Variants in COLQ observed in about 807,000 individuals in gnomAD.
COLQ encodes acetylcholinesterase collagenic tail peptide.
Under a neutral mutation model 69.0 loss-of-function variants are expected in COLQ, and 48 were observed. The observed-to-expected ratio is 0.70, with a 90% CI of 0.55 to 0.88. The LOEUF (loss-of-function observed/expected upper bound fraction) is 0.88. Among genes scored for constraint, COLQ ranks in the 40% least tolerant of loss-of-function variants. The pLI, the probability that COLQ is intolerant of heterozygous loss-of-function variation, is 0.00. For missense variants in COLQ, 618 were observed against 594.6 expected (o/e 1.04, Z -0.41); for synonymous variants, 217 against 211.2 (o/e 1.03, Z -0.24).
intron 1 of COLQ, among the ~76,000 whole-genome samples, chr3:15,492,223 C>T (rs560440402): frequency 6.6e-6 from 1 of 152,282 alleles, no homozygotes; most frequent in African/African-American, 2.4e-5. Flanking sequence ...ATTGGCAAGT[C>T]TCATGCTACA....
chr3:15,506,671 C>T (rs951803462), intron 1 of COLQ: 1 of 152,030 alleles, frequency 6.6e-6, no homozygotes, highest in Non-Finnish European at 1.5e-5. Flanking sequence ...AGGCATAATC[C>T]CACTAATGAT....
Position 15,510,154 on chromosome 3 carries a change from C to T in COLQ, c.106+11366G>A, listed in dbSNP as rs529167319. Among the ~76,000 whole-genome samples the T allele has an allele frequency of 2.0e-5, 3 of 150,342 alleles. No homozygotes were observed. The East Asian group carries it at 5.9e-4, about 29-fold the overall frequency. The stretch of plus-strand genomic sequence containing the variant: ...TCGCGCCACTGCAGTCTAGCCTGGG[C>T]GACAGAGCGAGACTCTGTCTAAAAA... On this transcript the variant is annotated intron_variant, in intron 1 of 16. Coordinates refer to ENST00000383788, the MANE Select transcript of COLQ (RefSeq NM_005677.4).
chr3:15,455,425 A>C (rs985217739), intron 15 of COLQ, among the ~76,000 whole-genome samples: 11 of 152,238 alleles, frequency 7.2e-5, no homozygotes, highest in South Asian at 2.1e-4. Flanking sequence ...GCAGCAGCCC[A>C]CGAGGCTGAC....
rs2062620132 is a variant in COLQ, at chr3:15,488,912, A to G, written c.220-605T>C. ...AAGTGCCAGATAGCTACATATGGCT[A>G]GTGGCTCCTGAATTGGACAGCTCAG... On this transcript the variant is annotated intron_variant, in intron 2 of 16. Coordinates refer to ENST00000383788, the MANE Select transcript of COLQ (RefSeq NM_005677.4). Among the ~76,000 whole-genome samples the G allele has an allele frequency of 2.0e-5, 3 of 152,352 alleles. No homozygotes were observed. The South Asian group carries it at 6.2e-4, about 32-fold the overall frequency.
intron 1 of COLQ, chr3:15,498,890 G>T (rs1013498802): frequency 1.5e-6 from 2 of 1,336,958 alleles, no homozygotes; most frequent in Non-Finnish European, 1.9e-6. Flanking sequence ...GGAGCCCAGG[G>T]ATACTTATCC....
At chr3:15,467,814 G>C (rs929786833) in intron 11 of COLQ, 1 of 455,276 alleles carries the variant, frequency 2.2e-6, no homozygotes, top group Non-Finnish European at 4.4e-6. Flanking sequence ...GGCAGGCTTG[G>C]GACTCCTTTC....
chr3:15,467,520 C>T (rs911137061), intron 11 of COLQ, among the ~76,000 whole-genome samples: 3 of 152,234 alleles, frequency 2.0e-5, no homozygotes, highest in South Asian at 2.1e-4. Context: ...ACAGCCGTTC[C>T]ACATGGAGTG....
rs771879602 is a variant in COLQ, at chr3:15,521,568, TAGAG to T, written c.54_57del (p.Ile20CysfsTer34). ...TTGATGAAAGTCGGCTGAGACACGA[TAGAG>T]AGGAAGAAAAGCTGAAGATAAATTC... On this transcript the variant is annotated frameshift_variant, in exon 1 of 17. Transcript: ENST00000383788. LOFTEE classifies it high-confidence loss of function. 8.1e-6 allele frequency: 13 copies of T among 1,614,038 alleles called. No individual in the cohort carries two copies. The highest frequency in any genetic ancestry group is 8.0e-5 in the African/African-American group (6 of 74,896).
chr3:15,489,592 C>T lies in COLQ; in HGVS notation c.152G>A (p.Cys51Tyr), dbSNP rs746714301. The change falls in exon 2 of 17, where the codon TGC (cysteine) becomes TAC (tyrosine). Residue 51 changes from cysteine to tyrosine, a missense_variant. Physicochemically the swap from Cys to Tyr is radical, Grantham distance 194 (BLOSUM62 -2). Coordinates refer to ENST00000383788, the MANE Select transcript of COLQ (RefSeq NM_005677.4). ...TGGTGGAGGAGGCGTCAGCAGGCAG[C>T]ATGCTTTGTGGCCACCACGCTTCTT... ...DQKKRGGHKA[C>Y]CLLTPPPPPL... 1.2e-6 allele frequency: 2 copies of T among 1,614,198 alleles called. No homozygotes were observed. Among genetic ancestry groups the T allele is most frequent in the East Asian group, 4.5e-5 (2 of 44,884 alleles).
At chr3:15,481,105 C>T (rs1016906692) in intron 3 of COLQ, among the ~76,000 whole-genome samples, 2 of 151,980 alleles carry the variant, frequency 1.3e-5, no homozygotes, top group African/African-American at 2.4e-5. Flanking sequence ...GGATATTAGC[C>T]CTTTGTCAGA....
At chr3:15,480,628 G>GC (rs2062465304) in intron 3 of COLQ, among the ~76,000 whole-genome samples, 1 of 152,142 alleles carries the variant, frequency 6.6e-6, no homozygotes, top group Non-Finnish European at 1.5e-5. Flanking sequence ...TGTGAATAGT[G>GC]CCCCAATAAA....
chr3:15,451,800 C>T (rs1164295916), intron 16 of COLQ, 87 bp from the exon 17 acceptor site: 3 of 1,127,868 alleles, frequency 2.7e-6, no homozygotes, highest in Non-Finnish European at 4.0e-6. Context: ...CGGCCAAGGG[C>T]CAATGGCTCT....
intron 14 of COLQ, among the ~76,000 whole-genome samples, 190 bp from the exon 15 acceptor site, chr3:15,456,209 A>C (rs1031602755): frequency 6.6e-5 from 10 of 152,112 alleles, no homozygotes; most frequent in African/African-American, 2.4e-4. Flanking sequence ...TCAGATCAAG[A>C]CAGCAACCTG....
rs2062328130 is a variant in COLQ, at chr3:15,473,679, A to G, written c.636+321T>C. ...GCTCAGATCTGAGTCCCCTGTGAGA[A>G]AGGTTTCTGCATTTGAATAGGACCA... is the stretch of plus-strand genomic sequence containing the variant. On this transcript the variant is annotated intron_variant, in intron 10 of 16. Transcript: ENST00000383788. The surrounding 1 kb of genome is among the most constrained non-coding windows in gnomAD (Gnocchi z 4.0). 6.6e-6 allele frequency among the ~76,000 whole-genome samples: 1 copy of G among 152,142 alleles called. No individual in the cohort carries two copies. Among genetic ancestry groups the G allele is most frequent in the South Asian group, 2.1e-4 (1 of 4,832 alleles).
intron 1 of COLQ, among the ~76,000 whole-genome samples, chr3:15,508,804 GAATTA>G (rs1367371641): frequency 6.6e-6 from 1 of 151,202 alleles, no homozygotes; most frequent in Non-Finnish European, 1.5e-5. Context: ...CATTATATAA[GAATTA>G]AATTATATAT....
At chr3:15,468,625 C>T (rs769364251) in intron 11 of COLQ, among the ~76,000 whole-genome samples, 52 of 152,152 alleles carry the variant, frequency 3.4e-4, no homozygotes, top group Non-Finnish European at 6.0e-4. Flanking sequence ...TGAGTCGCCA[C>T]TCCCGGCTGA....
chr3:15,506,641 T>G (rs1480511112), intron 1 of COLQ: 1 of 152,246 alleles, frequency 6.6e-6, no homozygotes, highest in Non-Finnish European at 1.5e-5. Context: ...CATTTCATTA[T>G]GCTGCCCAGG....
chr3:15,470,488 G>T, intron 11 of COLQ, 48 bp downstream of exon 11: 1 of 1,559,158 alleles, frequency 6.4e-7, no homozygotes, highest in Non-Finnish European at 8.8e-7. Flanking sequence ...ACACTGCCAG[G>T]TCAGGAAGTT....
rs2062798388 is a variant in COLQ at position 15,499,276 on chromosome 3, C to A, written c.107-9639G>T. Among the ~76,000 whole-genome samples the A allele has an allele frequency of 1.3e-5, 2 of 152,102 alleles. 1 individual carries two copies. The highest frequency in any genetic ancestry group is 4.1e-4 in the South Asian group (2 of 4,826). On this transcript the variant is annotated intron_variant, in intron 1 of 16. Transcript: ENST00000383788. ...TCTATCTGGTACTTTATAGGCACAC[C>A]CAGTGCACAAGCATGGACACACACA... is the stretch of plus-strand genomic sequence containing the variant.
Sources: gnomAD v4.1 joint callset for allele counts (sites outside exome capture counted in the v4.1 genomes callset) on GRCh38, gnomAD v4.1.1 for gene constraint, Gnocchi (gnomAD v3.1) non-coding constraint, MANE v1.5 for transcripts, NCBI Gene and HGNC (gene_info 2026-07-23, HGNC 2026-07-21) for gene names.